Variants in SPIDR observed in about 807,000 individuals in gnomAD.
SPIDR encodes scaffold protein involved in DNA repair.
SPIDR carries 93 observed loss-of-function variants against 104.6 expected under a neutral mutation model. The ratio of observed to expected loss-of-function variants is 0.89; its 90% confidence interval spans 0.75 to 1.06. The LOEUF (loss-of-function observed/expected upper bound fraction) is 1.06. Among genes scored for constraint, SPIDR ranks in the 50% least tolerant of loss-of-function variants. SPIDR has a pLI of 0.00. For missense variants in SPIDR, 1,154 were observed against 1,111.2 expected, an observed-to-expected ratio of 1.04 and a Z score of -0.55; for synonymous variants, 431 against 416.9, an observed-to-expected ratio of 1.03 and a Z score of -0.41.
chr8:47,435,060 C>T (rs782073022), intron 7 of SPIDR, among the ~76,000 whole-genome samples: 13 of 152,016 alleles, frequency 8.6e-5, no homozygotes, highest in Non-Finnish European at 1.6e-4. Context: ...GTGTTGTGAT[C>T]ATAGCTGACT....
At chr8:47,497,791 G>A (rs896262579) in intron 8 of SPIDR, among the ~76,000 whole-genome samples, 3 of 152,178 alleles carry the variant, frequency 2.0e-5, no homozygotes, top group Non-Finnish European at 4.4e-5. Context: ...TAGTGTTTTA[G>A]AGGGCTTGGA....
At chr8:47,726,026 C>G (rs1222372149) in intron 16 of SPIDR, among the ~76,000 whole-genome samples, 1 of 152,266 alleles carries the variant, frequency 6.6e-6, no homozygotes, top group Non-Finnish European at 1.5e-5. Context: ...CAGATGTGCT[C>G]TGGGGCTTGG....
At chr8:47,530,164 A>G (rs2085713729) in intron 8 of SPIDR, among the ~76,000 whole-genome samples, 2 of 152,210 alleles carry the variant, frequency 1.3e-5, no homozygotes, top group South Asian at 4.1e-4. Flanking sequence ...ACAAAATGAT[A>G]AATATTTGTG....
chr8:47,413,713 A>G (rs529080129), intron 7 of SPIDR, among the ~76,000 whole-genome samples: 1 of 152,138 alleles, frequency 6.6e-6, no homozygotes, highest in Non-Finnish European at 1.5e-5. Flanking sequence ...TTGTTGTATC[A>G]CATTTGGAGG....
At chr8:47,463,141 G>A (rs1157234282) in intron 8 of SPIDR, among the ~76,000 whole-genome samples, 1 of 152,038 alleles carries the variant, frequency 6.6e-6, no homozygotes, top group Non-Finnish European at 1.5e-5. Context: ...AGCGGATCAT[G>A]AGGTCAGGAG....
chr8:47,621,546 G>A (rs1230387781), intron 10 of SPIDR, among the ~76,000 whole-genome samples: 1 of 152,318 alleles, frequency 6.6e-6, no homozygotes, highest in Admixed American at 6.5e-5. Context: ...GAAGGAAGGG[G>A]CTCTGCCCTT....
In SPIDR at chr8:47,350,294, A is replaced by C. The variant is rs1335501285; in HGVS notation, c.526-46082A>C. Among the ~76,000 whole-genome samples, 18 of 152,188 alleles carry C rather than the reference A, an allele frequency of 1.2e-4. 1 individual carries two copies. The highest frequency in any genetic ancestry group is 1.0e-3 in the Admixed American group (16 of 15,286). On this transcript the variant is annotated intron_variant, in intron 5 of 19. Coordinates refer to ENST00000297423, the MANE Select transcript of SPIDR (RefSeq NM_001080394.4). The stretch of plus-strand genomic sequence containing the variant: ...TAAACCTTTTTTTCCTTGACACGTG[A>C]AAGATGACACTTGTTATAATTTATG...
At chr8:47,279,735 C>A in intron 1 of SPIDR, 127 bp from the exon 2 acceptor site, 1 of 915,762 alleles carries the variant, frequency 1.1e-6, no homozygotes, top group Non-Finnish European at 1.6e-6. Flanking sequence ...TAGAGACATT[C>A]AAAAACTATA....
intron 5 of SPIDR, among the ~76,000 whole-genome samples, chr8:47,304,471 G>A (rs928422899): frequency 5.9e-5 from 9 of 151,998 alleles, no homozygotes; most frequent in South Asian, 2.1e-4. Context: ...GTTTGAGACC[G>A]ACCTGGCCAA....
At chr8:47,279,142 G>C (rs1248651545) in intron 1 of SPIDR, 1 of 156,120 alleles carries the variant, frequency 6.4e-6, no homozygotes, top group African/African-American at 2.4e-5. Flanking sequence ...GAATCCTCCT[G>C]CCTTGGCCTC....
chr8:47,695,607 C>T (rs1480141542), intron 11 of SPIDR, among the ~76,000 whole-genome samples: 1 of 152,104 alleles, frequency 6.6e-6, no homozygotes, highest in Non-Finnish European at 1.5e-5. Flanking sequence ...AAAAATAAGC[C>T]CTGAAATAAC....
chr8:47,294,205 A>C (rs2040429817), intron 5 of SPIDR, 175 bp downstream of exon 5: 2 of 722,816 alleles, frequency 2.8e-6, no homozygotes, highest in Non-Finnish European at 4.2e-6. Context: ...CTTGTGCTGT[A>C]CTTCTCAACA....
At position 47,291,110 on chromosome 8, in the gene SPIDR, G is replaced by C. The variant is rs935941089; in HGVS notation, c.334G>C (p.Asp112His). The C allele has an allele frequency of 4.6e-4, 741 of 1,612,888 alleles. 2 individuals carry two copies. In the African/African-American group the frequency reaches 9.2e-3, roughly 20 times the overall value. ...SSSGSDLSDE[D>H]KTLSQLQRDE... ...CAGTGGAAGTGATTTGTCGGATGAAGATAAGACACTTTCTCAGTTACAGAG... is the reference window on the plus strand; with the variant it reads ...CAGTGGAAGTGATTTGTCGGATGAACATAAGACACTTTCTCAGTTACAGAG... The change falls in exon 4 of 20, where the codon GAT becomes CAT. Residue 112 changes from aspartate (D) to histidine (H), a missense_variant. By Grantham distance (81) the Asp-to-His change is moderately conservative. Transcript: ENST00000297423.
intron 5 of SPIDR, among the ~76,000 whole-genome samples, chr8:47,317,067 A>T (rs1431738412): frequency 1.3e-5 from 2 of 152,136 alleles, no homozygotes; most frequent in Non-Finnish European, 2.9e-5. Context: ...CAACTAAGGT[A>T]CTGGGTTCAT....
intron 5 of SPIDR, among the ~76,000 whole-genome samples, chr8:47,297,685 C>T (rs1443873964): frequency 1.3e-5 from 2 of 152,078 alleles, no homozygotes; most frequent in African/African-American, 4.8e-5. Context: ...TCACTTCCCA[C>T]CTGTGAGTGA....
chr8:47,498,530 C>T (rs773381026), intron 8 of SPIDR, among the ~76,000 whole-genome samples: 4 of 152,102 alleles, frequency 2.6e-5, no homozygotes, highest in Non-Finnish European at 4.4e-5. Context: ...TTATGACCTT[C>T]CCAGATAGTC....
chr8:47,722,449 G>C (rs2083539081), intron 16 of SPIDR, among the ~76,000 whole-genome samples: 1 of 152,204 alleles, frequency 6.6e-6, no homozygotes, highest in Non-Finnish European at 1.5e-5. Context: ...AATCTTAAGG[G>C]TTAACCATGT....
In SPIDR at chr8:47,538,067, C is replaced by T. The variant is rs557277576; in HGVS notation, c.1098-57744C>T. 2.6e-5 allele frequency among the ~76,000 whole-genome samples: 4 copies of T among 152,140 alleles called. No individual in the cohort carries two copies. In the South Asian group the frequency reaches 6.2e-4, roughly 24 times the overall value. On this transcript the variant is annotated intron_variant, in intron 8 of 19. Transcript: ENST00000297423. ...ACTCGCGCATATAATCTCAGCTACT[C>T]AGGAGGCTGAGACAGGAGAATTGCT...
chr8:47,272,251 G>A (rs1266116895), intron 1 of SPIDR, among the ~76,000 whole-genome samples: 1 of 152,164 alleles, frequency 6.6e-6, no homozygotes, highest in Non-Finnish European at 1.5e-5. Context: ...ATAGGCATGA[G>A]CCACGTCGCC....
Sources: gnomAD v4.1 joint callset for allele counts (sites outside exome capture counted in the v4.1 genomes callset) on GRCh38, gnomAD v4.1.1 for gene constraint, MANE v1.5 for transcripts, NCBI Gene and HGNC (gene_info 2026-07-23, HGNC 2026-07-21) for gene names.